The following CHN2 variants were observed in gnomAD, a reference collection of about 807,000 sequenced individuals.
The protein encoded by CHN2 is beta-chimaerin.
In CHN2, 35 loss-of-function variants were observed where a neutral mutation model predicts 56.3. The observed-to-expected ratio is 0.62, with a 90% confidence interval of 0.47 to 0.82. The LOEUF (loss-of-function observed/expected upper bound fraction) is 0.82, where lower values mean the gene tolerates loss of function less well. Among genes scored for constraint, CHN2 ranks in the 40% least tolerant of loss-of-function variants. The pLI, the probability that CHN2 is intolerant of heterozygous loss-of-function variation, is 0.00. For synonymous variants in CHN2, 210 were observed against 212.8 expected, an observed-to-expected ratio of 0.99 and a Z score of 0.12; for missense variants, 491 against 580.5, an observed-to-expected ratio of 0.85 and a Z score of 1.58.
chr7:29,314,166 CAAACA>C (rs1794792644), intron 1 of CHN2, among the ~76,000 whole-genome samples: 1 of 152,170 alleles, frequency 6.6e-6, no homozygotes, highest in Admixed American at 6.5e-5. Flanking sequence ...GTCCACTGAA[CAAACA>C]AAATATGGAT....
chr7:29,481,947 C>T (rs556678129), intron 7 of CHN2, among the ~76,000 whole-genome samples: 73 of 152,258 alleles, frequency 4.8e-4, no homozygotes, highest in Non-Finnish European at 1.0e-3. Context: ...GTGTTAAAAA[C>T]ACACAAATAT....
intron 1 of CHN2, among the ~76,000 whole-genome samples, chr7:29,254,006 G>A (rs1008114887): frequency 4.4e-4 from 67 of 152,312 alleles, no homozygotes; most frequent in Middle Eastern, 3.4e-3. Flanking sequence ...CCAGGGTCAA[G>A]CGATTCTCCT....
chr7:29,182,630 A>G (rs953910372), intron 2 of CHN2, among the ~76,000 whole-genome samples: 2 of 152,238 alleles, frequency 1.3e-5, no homozygotes, highest in African/African-American at 4.8e-5. Flanking sequence ...TGTCTACACA[A>G]TTACGTACAC....
At chr7:29,149,419 C>T (rs181511248) in intron 2 of CHN2, among the ~76,000 whole-genome samples, 2 of 152,140 alleles carry the variant, frequency 1.3e-5, no homozygotes, top group African/African-American at 4.8e-5. Context: ...GTCTCGAACT[C>T]CTGACCGCAA....
Position 29,211,055 on chromosome 7 carries a change from TTTTG to T in CHN2, c.49+16069_49+16072del, listed in dbSNP as rs1219794536. ...ACAGTGGCATGATCTGACTTAGGTG[TTTTG>T]TTTTTTTTTTTGTTGTTGTTGTTGT... On this transcript the variant is annotated intron_variant, in intron 1 of 12. Coordinates refer to ENST00000222792, the MANE Select transcript of CHN2 (RefSeq NM_004067.4). Among the ~76,000 whole-genome samples, 693 of 85,508 alleles carry T rather than the reference TTTTG, an allele frequency of 8.1e-3. 3 individuals carry two copies. Among genetic ancestry groups the T allele is most frequent in the African/African-American group, 0.028 (642 of 22,910 alleles). 56.1% of individuals were successfully genotyped at this position (85,508 alleles called of 152,430 possible).
intron 6 of CHN2, among the ~76,000 whole-genome samples, chr7:29,465,639 G>C (rs1785496102): frequency 6.6e-6 from 1 of 152,122 alleles, no homozygotes; most frequent in Non-Finnish European, 1.5e-5. Context: ...GAAATTCTTA[G>C]CAAACAAAAA....
chr7:29,480,138 A>G (rs1172106052), intron 6 of CHN2, 141 bp from the exon 7 acceptor site: 6 of 1,562,682 alleles, frequency 3.8e-6, no homozygotes, highest in Non-Finnish European at 4.3e-6. Flanking sequence ...GTGGCTGGAA[A>G]ATGAGAAAAA....
intron 2 of CHN2, among the ~76,000 whole-genome samples, chr7:29,364,105 G>C (rs1365533082): frequency 6.6e-6 from 1 of 152,202 alleles, no homozygotes; most frequent in Non-Finnish European, 1.5e-5. Flanking sequence ...TCTCTGCACT[G>C]TTTCCTCATC....
In CHN2 at chr7:29,400,810, A is replaced by G. The variant is rs1304702780; in HGVS notation, c.558A>G (p.Glu186=). The G allele has an allele frequency of 1.9e-6, 3 of 1,613,784 alleles. No homozygotes were observed. The highest frequency in any genetic ancestry group is 1.7e-4 in the Middle Eastern group (1 of 6,060). The change falls in exon 6 of 13, where the codon GAA becomes GAG. Residue 186 remains glutamate, a synonymous_variant. Coordinates refer to ENST00000222792, the MANE Select transcript of CHN2 (RefSeq NM_004067.4). ...GAAAAACAAACGTCACACATGAAGA[A>G]CACACAGCGGTGGAAAAGGTGAGCT... ...EPRKTNVTHE[E]HTAVEKISSL...
At chr7:29,387,083 A>G (rs1372756436) in intron 3 of CHN2, among the ~76,000 whole-genome samples, 2 of 152,150 alleles carry the variant, frequency 1.3e-5, no homozygotes, top group Admixed American at 6.5e-5. Context: ...GGTTCTCTTT[A>G]AAATAACAGC....
At chr7:29,233,824 G>GTTTTT (rs1584812326) in intron 1 of CHN2, among the ~76,000 whole-genome samples, 3 of 81,754 alleles carry the variant, frequency 3.7e-5, no homozygotes, top group African/African-American at 1.4e-4. Context: ...CCAACACCTT[G>GTTTTT]ATTTTTTTTT....
At chr7:29,197,226 G>A (rs1193594335) in intron 1 of CHN2, among the ~76,000 whole-genome samples, 2 of 152,146 alleles carry the variant, frequency 1.3e-5, no homozygotes, top group African/African-American at 4.8e-5. Context: ...ATTTTCAAGG[G>A]CCTACTATGT....
chr7:29,498,672 C>CT (rs1789572690), intron 8 of CHN2, among the ~76,000 whole-genome samples: 1 of 150,730 alleles, frequency 6.6e-6, no homozygotes, highest in Non-Finnish European at 1.5e-5. Flanking sequence ...TTAGAAGATA[C>CT]TTTGAGTAGA....
At chr7:29,398,255 T>C (rs539616978) in intron 4 of CHN2, 118 bp from the exon 5 acceptor site, 1 of 713,966 alleles carries the variant, frequency 1.4e-6, no homozygotes, top group East Asian at 2.5e-5. Flanking sequence ...CCCCCCTTCT[T>C]CACTCAGTTG....
intron 1 of CHN2, among the ~76,000 whole-genome samples, chr7:29,245,390 T>C (rs1188655357): frequency 6.6e-6 from 1 of 152,184 alleles, no homozygotes; most frequent in Non-Finnish European, 1.5e-5. Flanking sequence ...AGAAGATACA[T>C]TTAAGTTAGC....
chr7:29,178,052 C>A (rs1213590962), intron 2 of CHN2, among the ~76,000 whole-genome samples: 1 of 152,136 alleles, frequency 6.6e-6, no homozygotes, highest in Non-Finnish European at 1.5e-5. Context: ...TATCTCATGC[C>A]TCACATTCCA....
chr7:29,311,827 G>C (rs577645798), intron 1 of CHN2, among the ~76,000 whole-genome samples: 1 of 152,322 alleles, frequency 6.6e-6, no homozygotes, highest in African/African-American at 2.4e-5. Context: ...CCATGTGTCA[G>C]GCATTGTTTT....
At chr7:29,316,901 TA>T (rs902271529) in intron 1 of CHN2, among the ~76,000 whole-genome samples, 37 of 151,500 alleles carry the variant, frequency 2.4e-4, no homozygotes, top group African/African-American at 8.0e-4. Flanking sequence ...GCTCTGCTGA[TA>T]AAAAAAAATG....
At chr7:29,358,948 C>T (rs193153237) in intron 2 of CHN2, among the ~76,000 whole-genome samples, 15 of 152,292 alleles carry the variant, frequency 9.8e-5, no homozygotes, top group African/African-American at 2.9e-4. Flanking sequence ...TTCTTGGCTC[C>T]GCTTTCCTAG....
Sources: allele counts gnomAD v4.1 joint callset (sites outside exome capture counted in the v4.1 genomes callset), GRCh38; gene constraint gnomAD v4.1.1; transcripts MANE v1.5; gene names NCBI Gene and HGNC (gene_info 2026-07-23, HGNC 2026-07-21).